LRP2: variants seen among roughly 807,000 people sequenced by gnomAD.
LRP2 encodes the protein low-density lipoprotein receptor-related protein 2.
A neutral mutation model predicts 531.0 loss-of-function variants in LRP2; 172 were observed. That is an observed-to-expected ratio of 0.32 (90% CI 0.29 to 0.37). The LOEUF (loss-of-function observed/expected upper bound fraction) is 0.37. Among genes scored for constraint, LRP2 ranks in the 10% least tolerant of loss-of-function variants. The pLI is 1.00. For missense variants in LRP2, 5,167 were observed against 5,868.3 expected, an observed-to-expected ratio of 0.88 and a Z score of 3.90; for synonymous variants, 1,992 against 2,027.6, an observed-to-expected ratio of 0.98 and a Z score of 0.47.
At chr2:169,259,362 A>C (rs933086749) in intron 16 of LRP2, 145 bp from the exon 17 acceptor site, 3 of 629,076 alleles carry the variant, frequency 4.8e-6, no homozygotes, top group South Asian at 1.9e-5. Flanking sequence ...AAAAAAAAAA[A>C]AAAACTCTGT....
rs73970128 is a variant in LRP2, at chr2:169,140,427, T to C, written c.13199+28A>G. On this transcript the variant is annotated intron_variant, in intron 72 of 78. Coordinates refer to ENST00000649046, the MANE Select transcript of LRP2 (RefSeq NM_004525.3). ...ATTTCCCCAGAAGAGGCAAGGCCTA[T>C]AGCTGGGACCTCAACATTCAGACTT... 1.4e-3 allele frequency: 2,195 copies of C among 1,586,526 alleles called. 27 individuals are homozygous for C. In the African/African-American group the frequency reaches 0.026, roughly 19 times the overall value.
At chr2:169,139,644 T>C in intron 72 of LRP2, 34 bp from the exon 73 acceptor site, 1 of 1,595,140 alleles carries the variant, frequency 6.3e-7, no homozygotes. Flanking sequence ...CACTAGCTGT[T>C]ATGTTCTTAG....
At position 169,208,525 on chromosome 2, in the gene LRP2, C is replaced by T. The variant is rs556866535; in HGVS notation, c.6469+928G>A. On this transcript the variant is annotated intron_variant, in intron 38 of 78. Transcript: ENST00000649046. The stretch of plus-strand genomic sequence containing the variant: ...AGGCTTGATGGCAGTGGCTTAATCT[C>T]GGCCCACTGCAACCTCCACCTCCCG... 2.6e-3 allele frequency among the ~76,000 whole-genome samples: 399 copies of T among 152,198 alleles called. 1 individual carries two copies. Among genetic ancestry groups the T allele is most frequent in the African/African-American group, 9.0e-3 (375 of 41,498 alleles).
intron 1 of LRP2, among the ~76,000 whole-genome samples, chr2:169,358,030 G>A (rs890840943): frequency 9.2e-5 from 14 of 152,154 alleles, no homozygotes; most frequent in Admixed American, 2.0e-4. Flanking sequence ...AGCTGAAAGC[G>A]CATGGTACAT....
Position 169,257,128 on chromosome 2 carries a change from A to C in LRP2, c.2635T>G (p.Trp879Gly), listed in dbSNP as rs750471478. 17 of 1,612,750 alleles carry C rather than the reference A, an allele frequency of 1.1e-5. No homozygotes were observed. Among genetic ancestry groups the C allele is most frequent in the Non-Finnish European group, 1.4e-5 (16 of 1,179,028 alleles). Residue 879 changes from tryptophan to glycine, a missense_variant, in exon 18 of 79, where the codon TGG becomes GGG. Transcript: ENST00000649046. ...GGGATGATGATTCCTACTTACGCCC[A>C]ATCGATGGCCAAGCCATTGGGCCAT... is the stretch of plus-strand genomic sequence containing the variant. ...LGWPNGLAID[W>G]AASRLYWVDA...
intron 4 of LRP2, among the ~76,000 whole-genome samples, chr2:169,303,438 G>A (rs1684334879): frequency 6.6e-6 from 1 of 152,136 alleles, no homozygotes; most frequent in South Asian, 2.1e-4. Context: ...GACGTGAAAA[G>A]TGGGTAAGGT....
chr2:169,359,232 T>C (rs753388678), intron 1 of LRP2, among the ~76,000 whole-genome samples: 6 of 152,202 alleles, frequency 3.9e-5, no homozygotes, highest in Non-Finnish European at 8.8e-5. Flanking sequence ...AGATAAGCCA[T>C]CTGAGCTATG....
chr2:169,173,139 A>T lies in LRP2; in HGVS notation c.11100T>A (p.Asn3700Lys). 2 of 1,614,058 alleles carry T rather than the reference A, an allele frequency of 1.2e-6. No homozygotes were observed. The highest frequency in any genetic ancestry group is 1.7e-6 in the Non-Finnish European group (2 of 1,180,010). The change falls in exon 57 of 79, where the codon AAT becomes AAA. Residue 3700 changes from asparagine (N) to lysine (K), a missense_variant. Asn to Lys is a moderately conservative substitution (Grantham distance 94). Around this residue, in one of 6 missense-constraint regions of LRP2, gnomAD observed 311 missense variants for 309.4 expected, o/e 1.01. Coordinates refer to ENST00000649046, the MANE Select transcript of LRP2 (RefSeq NM_004525.3). ...TGTTGTCCCTGCAGTCATCTACACC[A>T]TTGCACACGGCCCACTTTGGGATGC... ...YRCIPKWAVC[N>K]GVDDCRDNSD... is the part of the protein sequence containing the mutation.
Position 169,182,266 on chromosome 2 carries a change from T to C in LRP2, c.9899A>G (p.Asn3300Ser), listed in dbSNP as rs751557713. The C allele has an allele frequency of 2.9e-5, 47 of 1,613,976 alleles. No individual in the cohort carries two copies. Among genetic ancestry groups the C allele is most frequent in the South Asian group, 2.2e-4 (20 of 91,072 alleles). ...RLDGLFVSDL[N>S]GGHRRMLAQH... ...GGCCAGCATGCGGCGGTGTCCACCA[T>C]TGAGGTCAGAGACAAAGAGGCCATC... The change falls in exon 51 of 79, where the codon AAT becomes AGT. Residue 3300 changes from asparagine (N) to serine (S), a missense_variant. By Grantham distance (46) the Asn-to-Ser change is conservative. Around this residue, in one of 6 missense-constraint regions of LRP2, gnomAD observed 1,129 missense variants for 1,362.7 expected, o/e 0.83. Transcript: ENST00000649046.
At chr2:169,183,622 C>T (rs760550299) in intron 50 of LRP2, among the ~76,000 whole-genome samples, 26 of 152,112 alleles carry the variant, frequency 1.7e-4, no homozygotes, top group Non-Finnish European at 2.9e-4. Flanking sequence ...TACTGCTTTC[C>T]CATTAATTTC....
intron 1 of LRP2, among the ~76,000 whole-genome samples, chr2:169,357,122 G>A (rs906411040): frequency 1.3e-5 from 2 of 151,904 alleles, no homozygotes; most frequent in East Asian, 3.9e-4. Context: ...TATACCAAAG[G>A]TTCCATCAAG....
chr2:169,279,713 A>G, intron 11 of LRP2, 118 bp from the exon 12 acceptor site: 3 of 660,106 alleles, frequency 4.5e-6, no homozygotes, highest in Non-Finnish European at 5.3e-6. Context: ...CTCAATTTTC[A>G]GAAATTTCAT....
intron 31 of LRP2, among the ~76,000 whole-genome samples, chr2:169,230,047 C>T (rs79852831): frequency 0.018 from 2,666 of 152,288 alleles, 73 homozygotes; most frequent in African/African-American, 0.061. Flanking sequence ...AAAAGTTCCA[C>T]TTCGGTAAAG....
intron 77 of LRP2, among the ~76,000 whole-genome samples, chr2:169,131,122 G>A (rs1216565379): frequency 3.3e-5 from 5 of 152,202 alleles, no homozygotes; most frequent in African/African-American, 7.2e-5. Context: ...TCAAGCATCC[G>A]TGTGTCTGTG....
intron 74 of LRP2, 67 bp from the exon 75 acceptor site, chr2:169,138,773 A>G: frequency 1.9e-6 from 3 of 1,570,384 alleles, no homozygotes; most frequent in Non-Finnish European, 2.6e-6. Flanking sequence ...AACAAATACA[A>G]CCTTTCACAA....
At chr2:169,153,712 G>T (rs1046278085) in intron 66 of LRP2, among the ~76,000 whole-genome samples, 2 of 152,092 alleles carry the variant, frequency 1.3e-5, no homozygotes, top group African/African-American at 4.8e-5. Flanking sequence ...GGATCACAAA[G>T]CTAGTAGATA....
chr2:169,186,084 A>G, intron 49 of LRP2, 65 bp from the exon 50 acceptor site: 1 of 1,425,436 alleles, frequency 7.0e-7, no homozygotes, highest in Non-Finnish European at 9.8e-7. Flanking sequence ...ATAATGGTTC[A>G]AAGTCAACAT....
intron 63 of LRP2, among the ~76,000 whole-genome samples, chr2:169,159,179 C>T (rs1686479305): frequency 6.6e-6 from 1 of 152,154 alleles, no homozygotes; most frequent in South Asian, 2.1e-4. Flanking sequence ...ATTTAAGCTT[C>T]ATCTACCTCT....
chr2:169,340,844 C>G (rs11889511), intron 1 of LRP2, among the ~76,000 whole-genome samples: 32,035 of 152,060 alleles, frequency 0.21, 3,486 homozygotes, highest in East Asian at 0.27. Flanking sequence ...GATGGAGTTG[C>G]TTTACTATAA....
Sources: gnomAD v4.1 joint callset for allele counts (sites outside exome capture counted in the v4.1 genomes callset) on GRCh38, gnomAD v4.1.1 for gene constraint, gnomAD v4.1.1 regional missense constraint, MANE v1.5 for transcripts, NCBI Gene and HGNC (gene_info 2026-07-23, HGNC 2026-07-21) for gene names.